Variants in ITGA9 observed in about 807,000 individuals in gnomAD.
ITGA9 encodes integrin subunit alpha 9, also known as integrin alpha-9.
Under a neutral mutation model 127.8 loss-of-function variants are expected in ITGA9, and 56 were observed. That is an observed-to-expected ratio of 0.44 (90% CI 0.35 to 0.55). ITGA9 has a LOEUF of 0.55. Ranked by LOEUF, ITGA9 falls within the 20% of genes least tolerant of loss-of-function variation. The pLI is 0.00. For synonymous variants in ITGA9, 508 were observed against 514.5 expected (o/e 0.99, Z 0.17); for missense variants, 1,196 against 1,347.1 (o/e 0.89, Z 1.76).
At chr3:37,810,328 C>T (rs554109335) in intron 27 of ITGA9, among the ~76,000 whole-genome samples, 1 of 152,224 alleles carries the variant, frequency 6.6e-6, no homozygotes, top group African/African-American at 2.4e-5. Flanking sequence ...TGGCCAGCAC[C>T]TTCACTAGGC....
chr3:37,659,923 A>G (rs1036287906), intron 17 of ITGA9, among the ~76,000 whole-genome samples: 1 of 152,104 alleles, frequency 6.6e-6, no homozygotes, highest in African/African-American at 2.4e-5. Context: ...TCATTCATCA[A>G]AGGAAAGTAA....
At chr3:37,606,575 G>A (rs192756806) in intron 15 of ITGA9, among the ~76,000 whole-genome samples, 3 of 152,248 alleles carry the variant, frequency 2.0e-5, no homozygotes, top group East Asian at 1.9e-4. Context: ...CTCCCCTAAC[G>A]TCCATGAAGA....
At position 37,452,659 on chromosome 3, in the gene ITGA9, G is replaced by T; in HGVS notation, c.185+100G>T. The T allele has an allele frequency of 9.4e-7, 1 of 1,068,440 alleles. No homozygotes were observed. Among genetic ancestry groups the T allele is most frequent in the South Asian group, 1.8e-5 (1 of 55,028 alleles). 66.2% of individuals were successfully genotyped at this position (1,068,440 alleles called of 1,614,324 possible). A position where few individuals can be genotyped will look rare whatever the true frequency, so the allele number is the denominator to read the frequency against. On this transcript the variant is annotated intron_variant, in intron 1 of 27. Transcript: ENST00000264741. This position sits in a 1 kb window ranked among gnomAD's most constrained non-coding sequence, Gnocchi z 7.3. ...CCTTTCCGGTCTCTTCCACGCCGCCGTCCCGAGGGGGCGATTTAAATGTCT... is the reference window on the plus strand; with the variant it reads ...CCTTTCCGGTCTCTTCCACGCCGCCTTCCCGAGGGGGCGATTTAAATGTCT...
chr3:37,631,880 G>A (rs567946659), intron 16 of ITGA9, among the ~76,000 whole-genome samples: 8 of 152,154 alleles, frequency 5.3e-5, no homozygotes, highest in Non-Finnish European at 1.0e-4. Flanking sequence ...GCCAGGCATC[G>A]CCTTCTCTAA....
chr3:37,705,262 C>A (rs1700991922), intron 18 of ITGA9, among the ~76,000 whole-genome samples: 1 of 152,178 alleles, frequency 6.6e-6, no homozygotes, highest in African/African-American at 2.4e-5. Context: ...TAATGGAGAT[C>A]AGAATTTTCA....
At chr3:37,756,656 G>A (rs950023453) in intron 23 of ITGA9, among the ~76,000 whole-genome samples, 1 of 152,146 alleles carries the variant, frequency 6.6e-6, no homozygotes, top group Non-Finnish European at 1.5e-5. Flanking sequence ...AAGGACTGAA[G>A]AAACTAATTT....
intron 15 of ITGA9, among the ~76,000 whole-genome samples, chr3:37,574,831 G>A (rs1432098834): frequency 1.3e-5 from 2 of 152,110 alleles, no homozygotes; most frequent in South Asian, 2.1e-4. Flanking sequence ...GGTCACACTG[G>A]GAGAGCAGGT....
chr3:37,642,617 A>G (rs1575177953), intron 16 of ITGA9, among the ~76,000 whole-genome samples: 3 of 152,262 alleles, frequency 2.0e-5, no homozygotes, highest in Non-Finnish European at 2.9e-5. Flanking sequence ...TGACATATCT[A>G]TACCACGGTA....
chr3:37,743,561 T>C (rs1280738118), intron 21 of ITGA9, among the ~76,000 whole-genome samples: 3 of 152,238 alleles, frequency 2.0e-5, no homozygotes, highest in Non-Finnish European at 4.4e-5. Flanking sequence ...TTTATATTTA[T>C]TTTTTAAAAG....
At chr3:37,458,649 G>A (rs886353349) in intron 1 of ITGA9, among the ~76,000 whole-genome samples, 2 of 152,236 alleles carry the variant, frequency 1.3e-5, no homozygotes, top group Non-Finnish European at 2.9e-5. Flanking sequence ...CCTGGAGCCT[G>A]CCACGCGTGA....
rs77724126 is a variant in ITGA9 at position 37,588,991 on chromosome 3, G to A, written c.1690-40196G>A. On this transcript the variant is annotated intron_variant, in intron 15 of 27. Transcript: ENST00000264741. ...CTGCAGGGACAGGATTACAGAAGAT[G>A]TTTACACAAAGCTGTAGCTTTGGAA... 1.1e-4 allele frequency among the ~76,000 whole-genome samples: 16 copies of A among 152,310 alleles called. No individual in the cohort carries two copies. The East Asian group carries it at 2.9e-3, about 28-fold the overall frequency.
chr3:37,592,263 C>T (rs956770484), intron 15 of ITGA9, among the ~76,000 whole-genome samples: 2 of 152,322 alleles, frequency 1.3e-5, no homozygotes, highest in Admixed American at 1.3e-4. Flanking sequence ...AATTACTTGA[C>T]CTACTAGATG....
chr3:37,716,895 A>G (rs908009671), intron 18 of ITGA9, among the ~76,000 whole-genome samples: 1 of 152,162 alleles, frequency 6.6e-6, no homozygotes. Context: ...ACATAACTTC[A>G]TCATTTAATT....
intron 4 of ITGA9, among the ~76,000 whole-genome samples, chr3:37,483,009 T>C (rs1698572113): frequency 6.6e-6 from 1 of 152,146 alleles, no homozygotes; most frequent in South Asian, 2.1e-4. Context: ...ACTGCCCCAG[T>C]TTACTCCTCC....
intron 26 of ITGA9, among the ~76,000 whole-genome samples, chr3:37,789,768 C>CAAAAAAA (rs71635850): frequency 5.6e-5 from 2 of 35,684 alleles, no homozygotes; most frequent in African/African-American, 1.3e-4. Context: ...GACTCCGTCT[C>CAAAAAAA]AAAAAAAAAA....
chr3:37,543,305 A>G (rs1699293738), intron 15 of ITGA9, among the ~76,000 whole-genome samples: 1 of 152,160 alleles, frequency 6.6e-6, no homozygotes, highest in African/African-American at 2.4e-5. Flanking sequence ...AGGAGGTGGA[A>G]GAATGCACTT....
At chr3:37,478,904 T>C (rs1037981192) in intron 3 of ITGA9, among the ~76,000 whole-genome samples, 12 of 152,340 alleles carry the variant, frequency 7.9e-5, no homozygotes, top group South Asian at 4.1e-4. Flanking sequence ...AAATAGTTTA[T>C]GGCACTTAAA....
chr3:37,493,190 G>T (rs1215434495), intron 4 of ITGA9, among the ~76,000 whole-genome samples: 1 of 152,196 alleles, frequency 6.6e-6, no homozygotes, highest in Admixed American at 6.5e-5. Context: ...TGTGGTGAGT[G>T]TTGTTAGAAA....
chr3:37,672,966 A>G (rs1174081993), intron 17 of ITGA9, among the ~76,000 whole-genome samples: 1 of 152,072 alleles, frequency 6.6e-6, no homozygotes, highest in African/African-American at 2.4e-5. Flanking sequence ...AAATCCCTAA[A>G]TATTTGCCAC....
Sources: allele counts gnomAD v4.1 joint callset (sites outside exome capture counted in the v4.1 genomes callset), GRCh38; gene constraint gnomAD v4.1.1; non-coding constraint Gnocchi (gnomAD v3.1); transcripts MANE v1.5; gene names NCBI Gene and HGNC (gene_info 2026-07-23, HGNC 2026-07-21).